Variants in ARHGAP18 observed in about 807,000 individuals in gnomAD.
The protein encoded by ARHGAP18 is Rho GTPase activating protein 18, also known as rho GTPase-activating protein 18.
ARHGAP18 carries 67 observed loss-of-function variants against 86.2 expected under a neutral mutation model. The ratio of observed to expected loss-of-function variants is 0.78; its 90% confidence interval spans 0.64 to 0.95. ARHGAP18 has a LOEUF of 0.95. Ranked by LOEUF, ARHGAP18 falls within the 40% of genes least tolerant of loss-of-function variation. The pLI, the probability that ARHGAP18 is intolerant of heterozygous loss-of-function variation, is 0.00. For synonymous variants in ARHGAP18, 283 were observed against 280.4 expected, an observed-to-expected ratio of 1.01 and a Z score of -0.09; for missense variants, 691 against 780.4, an observed-to-expected ratio of 0.89 and a Z score of 1.37.
At chr6:129,681,377 G>T (rs1306739917) in intron 1 of ARHGAP18, among the ~76,000 whole-genome samples, 1 of 152,146 alleles carries the variant, frequency 6.6e-6, no homozygotes, top group East Asian at 1.9e-4. Context: ...CGCCCAGCTA[G>T]AAGTATTTCT....
chr6:129,682,817 A>C (rs1774346192), intron 1 of ARHGAP18, among the ~76,000 whole-genome samples: 1 of 152,226 alleles, frequency 6.6e-6, no homozygotes, highest in South Asian at 2.1e-4. Context: ...AAGGGACTGA[A>C]CAATAAAACA....
intron 1 of ARHGAP18, among the ~76,000 whole-genome samples, chr6:129,690,008 A>G (rs1774497099): frequency 6.6e-6 from 1 of 152,236 alleles, no homozygotes; most frequent in African/African-American, 2.4e-5. Context: ...TATTTAAATT[A>G]TGAGTCTTAT....
intron 1 of ARHGAP18, among the ~76,000 whole-genome samples, chr6:129,708,590 C>A (rs1774842208): frequency 6.6e-6 from 1 of 152,172 alleles, no homozygotes; most frequent in East Asian, 1.9e-4. Flanking sequence ...AGGACTCAGT[C>A]CTTAAGGTCC....
chr6:129,596,285 T>C (rs1189851312), intron 12 of ARHGAP18, among the ~76,000 whole-genome samples: 2 of 152,096 alleles, frequency 1.3e-5, no homozygotes, highest in East Asian at 1.9e-4. Context: ...CTACACTCAC[T>C]CCTTAAGGTA....
chr6:129,578,250 G>C lies in ARHGAP18; in HGVS notation c.*263C>G, dbSNP rs1390698941. 5.7e-6 allele frequency: 1 copy of C among 176,690 alleles called. No individual in the cohort carries two copies. Among genetic ancestry groups the C allele is most frequent in the Non-Finnish European group, 1.2e-5 (1 of 85,056 alleles). 10.9% of individuals were successfully genotyped at this position (176,690 alleles called of 1,614,324 possible). A position where few individuals can be genotyped will look rare whatever the true frequency, so the allele number is the denominator to read the frequency against. ...ATGTCACATCTGGACACATTTCACA[G>C]AGCATATGAAAACTGCCCACAAACT... On this transcript the variant is annotated 3_prime_UTR_variant, in exon 15 of 15. Coordinates refer to ENST00000368149, the MANE Select transcript of ARHGAP18 (RefSeq NM_033515.3).
intron 5 of ARHGAP18, among the ~76,000 whole-genome samples, chr6:129,625,155 A>ATAT (rs1460172523): frequency 8.8e-4 from 1 of 1,132 alleles, no homozygotes; most frequent in Non-Finnish European, 1.7e-3. Flanking sequence ...TATATTATAT[A>ATAT]GATATATATT....
intron 5 of ARHGAP18, 119 bp from the exon 6 acceptor site, chr6:129,618,971 A>G (rs1789154843): frequency 2.2e-6 from 2 of 905,502 alleles, no homozygotes; most frequent in South Asian, 3.9e-5. Context: ...AAGAAAAGCC[A>G]CAGAATTTCT....
At chr6:129,632,722 T>C (rs1004020650) in intron 4 of ARHGAP18, among the ~76,000 whole-genome samples, 3 of 152,148 alleles carry the variant, frequency 2.0e-5, no homozygotes, top group Non-Finnish European at 4.4e-5. Context: ...AAAGCAAGTA[T>C]TTTTATAAAT....
At chr6:129,634,722 T>C (rs1335152012) in intron 3 of ARHGAP18, among the ~76,000 whole-genome samples, 1 of 152,084 alleles carries the variant, frequency 6.6e-6, no homozygotes, top group Non-Finnish European at 1.5e-5. Context: ...AATAAAAATG[T>C]GCTAAAACTG....
At chr6:129,616,334 T>G (rs1789098130) in intron 6 of ARHGAP18, 31 bp from the exon 7 acceptor site, 4 of 1,521,750 alleles carry the variant, frequency 2.6e-6, no homozygotes, top group Non-Finnish European at 3.6e-6. Flanking sequence ...TTTCCTCACT[T>G]TTGTCAATCT....
intron 12 of ARHGAP18, among the ~76,000 whole-genome samples, chr6:129,590,931 T>C (rs1788496665): frequency 6.6e-6 from 1 of 152,216 alleles, no homozygotes; most frequent in Admixed American, 6.5e-5. Flanking sequence ...GGATATACAA[T>C]GCTCTTTATC....
intron 7 of ARHGAP18, among the ~76,000 whole-genome samples, chr6:129,615,415 G>C (rs1789075798): frequency 6.6e-6 from 1 of 152,222 alleles, no homozygotes. Context: ...TAGTAGGTAA[G>C]ACGGAATTAA....
intron 8 of ARHGAP18, among the ~76,000 whole-genome samples, chr6:129,610,509 AG>A (rs949067326): frequency 2.0e-5 from 3 of 152,352 alleles, no homozygotes; most frequent in African/African-American, 7.2e-5. Flanking sequence ...GCAGCAAGAC[AG>A]GGAACTGTGT....
chr6:129,589,380 C>G (rs1788465564), intron 12 of ARHGAP18, among the ~76,000 whole-genome samples: 1 of 152,180 alleles, frequency 6.6e-6, no homozygotes, highest in African/African-American at 2.4e-5. Flanking sequence ...AGTTTCTTTG[C>G]TAAAGTATAG....
chr6:129,677,022 A>C (rs1774247858), intron 1 of ARHGAP18, among the ~76,000 whole-genome samples: 1 of 148,806 alleles, frequency 6.7e-6, no homozygotes, highest in Non-Finnish European at 1.5e-5. Context: ...GATAAGATAA[A>C]TGGCAATGCC....
In ARHGAP18 at chr6:129,625,149, T is replaced by TATGA. The variant is rs1333850925; in HGVS notation, c.786+4203_786+4204insTCAT. 6.8e-3 allele frequency among the ~76,000 whole-genome samples: 384 copies of TATGA among 56,150 alleles called. 52 individuals are homozygous for TATGA. Among genetic ancestry groups the TATGA allele is most frequent in the African/African-American group, 0.033 (357 of 10,768 alleles). 36.8% of individuals were successfully genotyped at this position (56,150 alleles called of 152,430 possible). A position where few individuals can be genotyped will look rare whatever the true frequency, so the allele number is the denominator to read the frequency against. ...TATTATATATGATATATATTATATA[T>TATGA]TATATAGATATATATTATATATGAT... is the stretch of plus-strand genomic sequence containing the variant. On this transcript the variant is annotated intron_variant, in intron 5 of 14. Transcript: ENST00000368149.
chr6:129,703,371 A>G (rs1382960550), intron 1 of ARHGAP18, among the ~76,000 whole-genome samples: 4 of 152,268 alleles, frequency 2.6e-5, no homozygotes, highest in African/African-American at 9.6e-5. Flanking sequence ...TCAAAATATT[A>G]GAAAATTCAT....
intron 4 of ARHGAP18, among the ~76,000 whole-genome samples, chr6:129,632,071 C>G (rs932254746): frequency 6.6e-6 from 1 of 152,128 alleles, no homozygotes; most frequent in South Asian, 2.1e-4. Flanking sequence ...GACTATGTCA[C>G]CCATGCCTTC....
chr6:129,666,806 T>G (rs1418893881), intron 1 of ARHGAP18, among the ~76,000 whole-genome samples: 1 of 152,262 alleles, frequency 6.6e-6, no homozygotes, highest in Non-Finnish European at 1.5e-5. Context: ...AACATTTCTG[T>G]GTATATCTCA....
Sources: allele counts gnomAD v4.1 joint callset (sites outside exome capture counted in the v4.1 genomes callset), GRCh38; gene constraint gnomAD v4.1.1; transcripts MANE v1.5; gene names NCBI Gene and HGNC (gene_info 2026-07-23, HGNC 2026-07-21).